Variants in ANKRD17 observed in about 807,000 individuals in gnomAD.
ANKRD17 encodes ankyrin repeat domain-containing protein 17.
Under a neutral mutation model 229.7 loss-of-function variants are expected in ANKRD17, and 19 were observed. The ratio of observed to expected loss-of-function variants is 0.08; its 90% CI spans 0.06 to 0.12. ANKRD17 has a LOEUF of 0.12. Among genes scored for constraint, ANKRD17 ranks in the 10% least tolerant of loss-of-function variants. The probability of loss-of-function intolerance (pLI) is 1.00; values close to 1 mark genes in which losing one functional copy is unlikely to be tolerated. For synonymous variants in ANKRD17, 1,112 were observed against 1,146.1 expected (o/e 0.97, Z 0.60); for missense variants, 2,176 against 3,176.8 (o/e 0.68, Z 7.57).
At chr4:73,252,025 A>G (rs910568123) in intron 1 of ANKRD17, among the ~76,000 whole-genome samples, 1 of 152,238 alleles carries the variant, frequency 6.6e-6, no homozygotes, top group Non-Finnish European at 1.5e-5. Context: ...TGTAAATAAT[A>G]GCTGCAACCA....
chr4:73,216,636 C>T (rs2149186043), intron 1 of ANKRD17, among the ~76,000 whole-genome samples: 1 of 152,254 alleles, frequency 6.6e-6, no homozygotes, highest in South Asian at 2.1e-4. Context: ...TACCTCCTCA[C>T]AGAATCATTC....
chr4:73,194,731 C>T (rs1560699381), intron 1 of ANKRD17, among the ~76,000 whole-genome samples: 1 of 151,976 alleles, frequency 6.6e-6, no homozygotes, highest in African/African-American at 2.4e-5. Flanking sequence ...TGGCTATCAA[C>T]CTATTGCTTG....
At chr4:73,192,154 CA>C (rs901330565) in intron 1 of ANKRD17, among the ~76,000 whole-genome samples, 2 of 152,016 alleles carry the variant, frequency 1.3e-5, no homozygotes, top group African/African-American at 4.8e-5. Flanking sequence ...CATTTCCCCC[CA>C]ATTTATTGTC....
At chr4:73,166,243 T>C (rs1733210593) in intron 2 of ANKRD17, among the ~76,000 whole-genome samples, 1 of 152,190 alleles carries the variant, frequency 6.6e-6, no homozygotes, top group African/African-American at 2.4e-5. Flanking sequence ...AAATCTTAAA[T>C]ATGAAAAGCC....
chr4:73,254,764 G>A (rs1052840798), intron 1 of ANKRD17, among the ~76,000 whole-genome samples: 2 of 146,474 alleles, frequency 1.4e-5, no homozygotes, highest in South Asian at 2.1e-4. Context: ...GCGAAACTCC[G>A]TCTCCAAAAA....
In ANKRD17 at chr4:73,147,388, A is replaced by C. The variant is rs1471336830; in HGVS notation, c.1612T>G (p.Leu538Val). ...AQTEETQETA[L>V]TLACCGGFLE... ...AAGCCTCCACAGCAAGCCAGAGTCAAGGCAGTTTCTTGAGTTTCTTCTGTC... is the reference window on the plus strand; with the variant it reads ...AAGCCTCCACAGCAAGCCAGAGTCACGGCAGTTTCTTGAGTTTCTTCTGTC... The change falls in exon 9 of 34, where the codon TTG becomes GTG. Residue 538 changes from leucine (L) to valine (V), a missense_variant. Physicochemically the swap from Leu to Val is conservative, Grantham distance 32 (BLOSUM62 1). This residue lies in a region of ANKRD17 where 275 missense variants were observed against 386.9 expected (regional missense o/e 0.71). Transcript: ENST00000358602. 1 of 1,599,436 alleles carries C rather than the reference A, an allele frequency of 6.3e-7. No homozygotes were observed. The highest frequency in any genetic ancestry group is 8.5e-7 in the Non-Finnish European group (1 of 1,173,962).
At position 73,151,621 on chromosome 4, in the gene ANKRD17, G is replaced by A. The variant is rs181073780; in HGVS notation, c.1235-97C>T. 530 of 912,314 alleles carry A rather than the reference G, an allele frequency of 5.8e-4. No homozygotes were observed. In the African/African-American group the frequency reaches 8.5e-3, roughly 15 times the overall value. 56.5% of individuals were successfully genotyped at this position (912,314 alleles called of 1,614,324 possible). A position where few individuals can be genotyped will look rare whatever the true frequency, so the allele number is the denominator to read the frequency against. On this transcript the variant is annotated intron_variant, in intron 6 of 33. Transcript: ENST00000358602. ...TTTGAAAAGTTATATTTAACTTACA[G>A]CATTAAATTTATAAGCATAATAAAG...
At chr4:73,202,453 G>T (rs1412431165) in intron 1 of ANKRD17, among the ~76,000 whole-genome samples, 1 of 149,110 alleles carries the variant, frequency 6.7e-6, no homozygotes, top group African/African-American at 2.5e-5. Flanking sequence ...ATTGGGAAAA[G>T]AACTATTGAG....
At chr4:73,211,407 GT>G (rs1178801344) in intron 1 of ANKRD17, among the ~76,000 whole-genome samples, 1 of 152,110 alleles carries the variant, frequency 6.6e-6, no homozygotes, top group Non-Finnish European at 1.5e-5. Flanking sequence ...ATAATGTATA[GT>G]TCAAAGCCAA....
rs776369255 is a variant in ANKRD17, at chr4:73,090,932, A to G, written c.6696T>C (p.Asn2232=). 5.6e-6 allele frequency: 9 copies of G among 1,614,138 alleles called. No homozygotes were observed. The African/African-American group carries it at 9.3e-5, about 17-fold the overall frequency. The stretch of plus-strand genomic sequence containing the variant: ...TAGGCTTATTTGCTGGATGTACTGA[A>G]TTCTGACAAGCACTTTGTGTACTTA... ...STLSTQSACQ[N]SVHPANKPIA... is the part of the protein sequence containing the mutation. Residue 2232 remains asparagine (N), a synonymous_variant, in exon 29 of 34, where the codon AAT becomes AAC. Transcript: ENST00000358602.
chr4:73,179,488 G>GTGTGTGTGTGTATA (rs1491132715), intron 1 of ANKRD17, among the ~76,000 whole-genome samples: 5 of 48,218 alleles, frequency 1.0e-4, no homozygotes, highest in African/African-American at 2.6e-4. Flanking sequence ...GTGTGTGTGT[G>GTGTGTGTGTGTATA]TATATATATA....
In ANKRD17 at chr4:73,235,866, CT is replaced by C. The variant is rs529645343; in HGVS notation, c.393+22409del. Among the ~76,000 whole-genome samples, 142 of 144,044 alleles carry C rather than the reference CT, an allele frequency of 9.9e-4. 1 individual carries two copies. Among genetic ancestry groups the C allele is most frequent in the Middle Eastern group, 7.0e-3 (2 of 284 alleles). 94.5% of individuals were successfully genotyped at this position (144,044 alleles called of 152,430 possible). A position where few individuals can be genotyped will look rare whatever the true frequency, so the allele number is the denominator to read the frequency against. ...GGTTCGTAATGATTTAAAATTTTTTCTTTTTTTTTTTGGTTTTAATAGAGAC... is the reference window on the plus strand; with the variant it reads ...GGTTCGTAATGATTTAAAATTTTTTCTTTTTTTTTTGGTTTTAATAGAGAC... On this transcript the variant is annotated intron_variant, in intron 1 of 33. Coordinates refer to ENST00000358602, the MANE Select transcript of ANKRD17 (RefSeq NM_032217.5).
At chr4:73,183,746 G>A (rs1418813237) in intron 1 of ANKRD17, among the ~76,000 whole-genome samples, 1 of 152,126 alleles carries the variant, frequency 6.6e-6, no homozygotes, top group Non-Finnish European at 1.5e-5. Flanking sequence ...TTACAGGCGT[G>A]AGCCACTTTT....
chr4:73,113,415 T>C, intron 24 of ANKRD17: 1 of 1,281,574 alleles, frequency 7.8e-7, no homozygotes. Flanking sequence ...GTAGTGCATT[T>C]GGTACTTGTG....
intron 2 of ANKRD17, 152 bp downstream of exon 2, chr4:73,177,228 C>T: frequency 1.4e-6 from 1 of 710,408 alleles, no homozygotes; most frequent in Non-Finnish European, 2.0e-6. Context: ...TAGTAAAACG[C>T]TCCATGTAAT....
chr4:73,088,564 C>A (rs983624502), intron 29 of ANKRD17, among the ~76,000 whole-genome samples: 11 of 152,144 alleles, frequency 7.2e-5, no homozygotes, highest in Non-Finnish European at 1.3e-4. Context: ...TAAATTCCAA[C>A]TACTATAAAA....
At chr4:73,159,987 C>G (rs926314893) in intron 3 of ANKRD17, among the ~76,000 whole-genome samples, 2 of 152,074 alleles carry the variant, frequency 1.3e-5, no homozygotes, top group African/African-American at 4.8e-5. Context: ...TATGAAAACA[C>G]CATTAGACAA....
chr4:73,124,122 G>A (rs549298618), intron 18 of ANKRD17, among the ~76,000 whole-genome samples: 1 of 151,770 alleles, frequency 6.6e-6, no homozygotes, highest in Non-Finnish European at 1.5e-5. Flanking sequence ...TGATAAATAG[G>A]AAAACCTTAT....
chr4:73,199,024 C>T (rs1738277651), intron 1 of ANKRD17, among the ~76,000 whole-genome samples: 1 of 152,156 alleles, frequency 6.6e-6, no homozygotes, highest in Non-Finnish European at 1.5e-5. Context: ...CTATAGTATG[C>T]TAAAATTCTA....
Sources: gnomAD v4.1 joint callset for allele counts (sites outside exome capture counted in the v4.1 genomes callset) on GRCh38, gnomAD v4.1.1 for gene constraint, gnomAD v4.1.1 regional missense constraint, MANE v1.5 for transcripts, NCBI Gene and HGNC (gene_info 2026-07-23, HGNC 2026-07-21) for gene names.